LIMA1: variants seen among roughly 807,000 people sequenced by gnomAD.
The protein encoded by LIMA1 is LIM domain and actin binding 1.
Under a neutral mutation model 62.6 loss-of-function variants are expected in LIMA1, and 52 were observed. The ratio of observed to expected loss-of-function variants is 0.83; its 90% CI spans 0.67 to 1.05. LIMA1 has a LOEUF of 1.05. LIMA1 is among the 50% of genes least tolerant of loss of function. The pLI, the probability that LIMA1 is intolerant of heterozygous loss-of-function variation, is 0.00. For synonymous variants in LIMA1, 302 were observed against 317.8 expected (o/e 0.95, Z 0.53); for missense variants, 780 against 902.2 (o/e 0.86, Z 1.74).
chr12:50,215,836 G>A (rs922010403), intron 4 of LIMA1, among the ~76,000 whole-genome samples: 1 of 152,088 alleles, frequency 6.6e-6, no homozygotes, highest in Non-Finnish European at 1.5e-5. Context: ...GATCACTTGA[G>A]GCTGGGAGTT....
chr12:50,203,415 C>T (rs1941093164), intron 6 of LIMA1, among the ~76,000 whole-genome samples: 1 of 143,766 alleles, frequency 7.0e-6, no homozygotes, highest in Non-Finnish European at 1.5e-5. Flanking sequence ...GAATACCAAT[C>T]TTTTTTTTTT....
chr12:50,252,951 A>T (rs1213939575), intron 1 of LIMA1, among the ~76,000 whole-genome samples: 1 of 152,212 alleles, frequency 6.6e-6, no homozygotes, highest in Non-Finnish European at 1.5e-5. Flanking sequence ...AGTCAAGAAG[A>T]TCCTGAAACT....
At chr12:50,263,858 T>A (rs2884480) in intron 1 of LIMA1, among the ~76,000 whole-genome samples, 26,963 of 64,916 alleles carry the variant, frequency 0.42, 3,064 homozygotes, top group East Asian at 0.53. Context: ...ATATAGAGAG[T>A]ATATATATAT....
chr12:50,278,464 A>C (rs1027485414), intron 1 of LIMA1, among the ~76,000 whole-genome samples: 2 of 152,150 alleles, frequency 1.3e-5, no homozygotes, highest in Admixed American at 6.5e-5. Context: ...CCAAGGCCGC[A>C]CTAAGATGGG....
intron 1 of LIMA1, among the ~76,000 whole-genome samples, chr12:50,253,132 A>G (rs932874726): frequency 1.3e-5 from 2 of 152,256 alleles, no homozygotes; most frequent in Non-Finnish European, 2.9e-5. Context: ...TTCCATTAAC[A>G]GAGACAGTAA....
intron 9 of LIMA1, chr12:50,186,959 A>G (rs1247752629): frequency 6.6e-6 from 1 of 152,198 alleles, no homozygotes; most frequent in Non-Finnish European, 1.5e-5. Context: ...TGCTAACCCA[A>G]ATGAAATTAA....
chr12:50,189,894 TAG>T (rs1410036766), intron 9 of LIMA1: 1 of 151,970 alleles, frequency 6.6e-6, no homozygotes, highest in Admixed American at 6.6e-5. Flanking sequence ...GTATTCTTAG[TAG>T]AGACAGGCTT....
At chr12:50,278,502 T>G (rs1942301195) in intron 1 of LIMA1, among the ~76,000 whole-genome samples, 1 of 152,164 alleles carries the variant, frequency 6.6e-6, no homozygotes, top group Admixed American at 6.5e-5. Context: ...GTTGAGAATG[T>G]TAATTAGTCT....
rs769001575 is a variant in LIMA1, at chr12:50,248,732, T to C, written c.20A>G (p.Asn7Ser). MESSPF[N>S]RRQWTSLSLR... ...TGATAGTGAGGTCCATTGCCGTCTA[T>C]TAAATGGAGATGATTCCATCTTGTC... The change falls in exon 2 of 11, where the codon AAT becomes AGT. Residue 7 changes from asparagine (N) to serine (S), a missense_variant. Coordinates refer to ENST00000341247, the MANE Select transcript of LIMA1 (RefSeq NM_016357.5). 5.6e-6 allele frequency: 9 copies of C among 1,606,442 alleles called. No individual in the cohort carries two copies. In the African/African-American group the frequency reaches 1.1e-4, roughly 19 times the overall value.
chr12:50,257,266 T>A (rs1010066700), intron 1 of LIMA1, among the ~76,000 whole-genome samples: 11 of 152,196 alleles, frequency 7.2e-5, no homozygotes, highest in African/African-American at 2.7e-4. Context: ...TTTACATTAC[T>A]TAGAACCATT....
chr12:50,278,186 C>T (rs144417906), intron 1 of LIMA1, among the ~76,000 whole-genome samples: 3,496 of 152,010 alleles, frequency 0.023, 129 homozygotes, highest in African/African-American at 0.08. Flanking sequence ...TTTGGGAGGC[C>T]GAGGTGGGCG....
chr12:50,210,436 GA>G (rs1032632353), intron 4 of LIMA1, among the ~76,000 whole-genome samples: 4 of 106,164 alleles, frequency 3.8e-5, no homozygotes, highest in African/African-American at 1.5e-4. Context: ...AAAAAAAAAA[GA>G]AAAAAAGAAA....
intron 1 of LIMA1, among the ~76,000 whole-genome samples, chr12:50,263,572 T>C (rs545234654): frequency 1.3e-5 from 2 of 152,260 alleles, no homozygotes; most frequent in East Asian, 3.8e-4. Flanking sequence ...GTTATTTGTA[T>C]GTGTATAAAC....
At chr12:50,212,564 G>C (rs192770060) in intron 4 of LIMA1, among the ~76,000 whole-genome samples, 1,776 of 151,642 alleles carry the variant, frequency 0.012, 34 homozygotes, top group Middle Eastern at 0.034. Flanking sequence ...GTATTCCCAA[G>C]CATTCTACAA....
intron 2 of LIMA1, among the ~76,000 whole-genome samples, chr12:50,240,102 C>G (rs780787808): frequency 2.7e-5 from 4 of 149,714 alleles, no homozygotes; most frequent in Non-Finnish European, 5.9e-5. Context: ...GAGAAAATGA[C>G]CTGTAGGCTG....
chr12:50,270,053 G>A (rs1942187528), intron 1 of LIMA1, among the ~76,000 whole-genome samples: 1 of 151,182 alleles, frequency 6.6e-6, no homozygotes, highest in South Asian at 2.1e-4. Flanking sequence ...TGACCAACGT[G>A]GAGAAACCCC....
chr12:50,190,731 T>C (rs1940746505), intron 9 of LIMA1, among the ~76,000 whole-genome samples: 1 of 124,840 alleles, frequency 8.0e-6, no homozygotes, highest in African/African-American at 3.1e-5. Context: ...GAAAATGGGC[T>C]GGCCAGCCCC....
intron 2 of LIMA1, among the ~76,000 whole-genome samples, chr12:50,237,637 A>C (rs144376923): frequency 0.011 from 1,686 of 149,726 alleles, 28 homozygotes; most frequent in African/African-American, 0.037. Context: ...ACTCGGTCTC[A>C]AAAAAAAAAG....
chr12:50,182,365 G>A (rs979508328), intron 9 of LIMA1, among the ~76,000 whole-genome samples: 5 of 152,052 alleles, frequency 3.3e-5, no homozygotes, highest in Admixed American at 1.3e-4. Context: ...GGTCGGGGGG[G>A]GGAGTGCAGG....
Sources: gnomAD v4.1 joint callset for allele counts (sites outside exome capture counted in the v4.1 genomes callset) on GRCh38, gnomAD v4.1.1 for gene constraint, MANE v1.5 for transcripts, NCBI Gene and HGNC (gene_info 2026-07-23, HGNC 2026-07-21) for gene names.